The following MCF2L2 variants were observed in gnomAD, a reference collection of about 807,000 sequenced individuals.
MCF2L2 encodes MCF.2 cell line derived transforming sequence-like 2, also known as probable guanine nucleotide exchange factor MCF2L2.
Under a neutral mutation model 150.2 loss-of-function variants are expected in MCF2L2, and 102 were observed. The ratio of observed to expected loss-of-function variants is 0.68; its 90% CI spans 0.58 to 0.80. The LOEUF is 0.80. MCF2L2 is among the 30% of genes least tolerant of loss of function. The probability of loss-of-function intolerance (pLI) is 0.00; values close to 1 mark genes in which losing one functional copy is unlikely to be tolerated. For missense variants in MCF2L2, 1,256 were observed against 1,372.8 expected (o/e 0.91, Z 1.34); for synonymous variants, 465 against 491.3 (o/e 0.95, Z 0.71).
chr3:183,189,550 A>G (rs1721806723), intron 27 of MCF2L2, among the ~76,000 whole-genome samples: 1 of 152,116 alleles, frequency 6.6e-6, no homozygotes, highest in Non-Finnish European at 1.5e-5. Flanking sequence ...CCCTAGCCCT[A>G]CTGGCATGAG....
chr3:183,410,641 A>T (rs1715274309), intron 1 of MCF2L2, among the ~76,000 whole-genome samples: 1 of 152,260 alleles, frequency 6.6e-6, no homozygotes, highest in Non-Finnish European at 1.5e-5. Context: ...TGGCACACTG[A>T]ATATGGGGCA....
At chr3:183,233,787 A>G (rs567192980) in intron 15 of MCF2L2, among the ~76,000 whole-genome samples, 155 of 152,322 alleles carry the variant, frequency 1.0e-3, no homozygotes, top group African/African-American at 3.5e-3. Flanking sequence ...TAATGGAAAA[A>G]TAGGGTTTAC....
intron 2 of MCF2L2, among the ~76,000 whole-genome samples, 178 bp downstream of exon 2, chr3:183,389,518 A>G (rs1008497353): frequency 6.6e-6 from 1 of 152,180 alleles, no homozygotes; most frequent in African/African-American, 2.4e-5. Flanking sequence ...AAAGGGAATA[A>G]TATGTATGAG....
intron 21 of MCF2L2, among the ~76,000 whole-genome samples, chr3:183,218,040 C>T (rs575173905): frequency 1.3e-5 from 2 of 152,216 alleles, no homozygotes; most frequent in Non-Finnish European, 2.9e-5. Flanking sequence ...ATCTCAAGTT[C>T]TGCAGTGAAG....
At chr3:183,379,106 T>A (rs1483097241) in intron 3 of MCF2L2, 191 bp downstream of exon 3, 1 of 522,776 alleles carries the variant, frequency 1.9e-6, no homozygotes, top group African/African-American at 2.0e-5. Flanking sequence ...CTGAGGCTTG[T>A]TTGTCATTGT....
intron 1 of MCF2L2, among the ~76,000 whole-genome samples, chr3:183,405,711 T>C (rs1402671476): frequency 6.6e-6 from 1 of 152,134 alleles, no homozygotes; most frequent in African/African-American, 2.4e-5. Context: ...ACCTGGGTTG[T>C]TTCCAGTTTC....
At chr3:183,257,893 G>C (rs1271850244) in intron 15 of MCF2L2, among the ~76,000 whole-genome samples, 1 of 142,820 alleles carries the variant, frequency 7.0e-6, no homozygotes, top group Non-Finnish European at 1.5e-5. Context: ...TCTCTTATGT[G>C]CTTAAAAAAA....
intron 3 of MCF2L2, 144 bp from the exon 4 acceptor site, chr3:183,341,774 C>T: frequency 1.6e-6 from 1 of 613,966 alleles, no homozygotes; most frequent in Middle Eastern, 2.7e-4. Flanking sequence ...AACTCCCTCT[C>T]CCAGTCTAAG....
In MCF2L2 at chr3:183,289,315, G is replaced by A. The variant is rs960529642; in HGVS notation, c.1676-95C>T. ...GGACAAATAGCTGGACCACGTCAATGTGGCTAACTATAAAAGCTCACTTGA... is the reference window on the plus strand; with the variant it reads ...GGACAAATAGCTGGACCACGTCAATATGGCTAACTATAAAAGCTCACTTGA... On this transcript the variant is annotated intron_variant, in intron 13 of 29. Coordinates refer to ENST00000328913, the MANE Select transcript of MCF2L2 (RefSeq NM_015078.4). 6.3e-6 allele frequency: 5 copies of A among 788,822 alleles called. No individual in the cohort carries two copies. The African/African-American group carries it at 8.6e-5, about 14-fold the overall frequency. The allele number at this position is 788,822 out of a possible 1,614,324, so 48.9% of individuals were successfully genotyped here.
At position 183,239,698 on chromosome 3, in the gene MCF2L2, G is replaced by T. The variant is rs1413513428; in HGVS notation, c.1863-8681C>A. 4.0e-5 allele frequency among the ~76,000 whole-genome samples: 6 copies of T among 151,616 alleles called. No homozygotes were observed. In the East Asian group the frequency reaches 5.8e-4, roughly 15 times the overall value. On this transcript the variant is annotated intron_variant, in intron 15 of 29. Coordinates refer to ENST00000328913, the MANE Select transcript of MCF2L2 (RefSeq NM_015078.4). ...CCATCAAGAGTTTTCACTTACTCCT[G>T]CTATCCTATCATCACATTATGCATG... is the stretch of plus-strand genomic sequence containing the variant.
intron 5 of MCF2L2, among the ~76,000 whole-genome samples, chr3:183,337,368 C>T (rs1730525110): frequency 6.6e-6 from 1 of 151,848 alleles, no homozygotes; most frequent in African/African-American, 2.4e-5. Flanking sequence ...ACCAGCCTGG[C>T]CAACATGGTA....
chr3:183,410,226 A>C (rs1043420345), intron 1 of MCF2L2, among the ~76,000 whole-genome samples: 1 of 152,208 alleles, frequency 6.6e-6, no homozygotes, highest in African/African-American at 2.4e-5. Context: ...AGCTTTTTCC[A>C]GTCACTGAAG....
chr3:183,250,278 C>T (rs1355043787), intron 15 of MCF2L2, among the ~76,000 whole-genome samples: 1 of 152,138 alleles, frequency 6.6e-6, no homozygotes, highest in Admixed American at 6.5e-5. Context: ...AGCTGAGAAT[C>T]TGGGCTAGAA....
chr3:183,243,703 G>A (rs561426497), intron 15 of MCF2L2, among the ~76,000 whole-genome samples: 1 of 152,268 alleles, frequency 6.6e-6, no homozygotes, highest in African/African-American at 2.4e-5. Flanking sequence ...TCTCATGAGT[G>A]GTGAATCAGG....
chr3:183,296,809 C>T (rs939126938), intron 12 of MCF2L2, 167 bp downstream of exon 12: 27 of 618,318 alleles, frequency 4.4e-5, no homozygotes, highest in Non-Finnish European at 6.2e-5. Flanking sequence ...TATGCCAGGA[C>T]GTTCAGGCCG....
chr3:183,207,202 T>C (rs1402523359), intron 23 of MCF2L2, among the ~76,000 whole-genome samples: 1 of 152,096 alleles, frequency 6.6e-6, no homozygotes, highest in Non-Finnish European at 1.5e-5. Context: ...CTGGGTGCCT[T>C]AGACCCCAAG....
At chr3:183,211,496 G>A (rs935597601) in intron 22 of MCF2L2, among the ~76,000 whole-genome samples, 8 of 152,180 alleles carry the variant, frequency 5.3e-5, no homozygotes, top group Non-Finnish European at 1.0e-4. Context: ...GATCTCCAGC[G>A]GGTGAGCACA....
At chr3:183,362,600 C>G (rs1712277416) in intron 3 of MCF2L2, among the ~76,000 whole-genome samples, 1 of 130,792 alleles carries the variant, frequency 7.6e-6, no homozygotes, top group Non-Finnish European at 1.5e-5. Context: ...TAGCATCTTA[C>G]AGGATTAAAA....
chr3:183,280,720 C>T (rs1032240023), intron 14 of MCF2L2, among the ~76,000 whole-genome samples: 5 of 151,572 alleles, frequency 3.3e-5, no homozygotes, highest in South Asian at 2.1e-4. Context: ...TAGTGGTGCG[C>T]GCCTGTACTC....
Sources: allele counts gnomAD v4.1 joint callset (sites outside exome capture counted in the v4.1 genomes callset), GRCh38; gene constraint gnomAD v4.1.1; transcripts MANE v1.5; gene names NCBI Gene and HGNC (gene_info 2026-07-23, HGNC 2026-07-21).